The following DTNA variants were observed in gnomAD, a reference collection of about 807,000 sequenced individuals.
DTNA encodes dystrobrevin alpha.
A neutral mutation model predicts 100.7 loss-of-function variants in DTNA; 43 were observed. The observed-to-expected ratio is 0.43, with a 90% CI of 0.33 to 0.55. DTNA has a LOEUF of 0.55. Ranked by LOEUF, DTNA falls within the 20% of genes least tolerant of loss-of-function variation. The pLI is 0.04. For synonymous variants in DTNA, 349 were observed against 347.9 expected (o/e 1.00, Z -0.04); for missense variants, 798 against 953.9 (o/e 0.84, Z 2.15).
In DTNA at chr18:34,752,714, A is replaced by G. The variant is rs549645757; in HGVS notation, c.-1-3262A>G. Among the ~76,000 whole-genome samples, 406 of 152,288 alleles carry G rather than the reference A, an allele frequency of 2.7e-3. 1 individual carries two copies. The highest frequency in any genetic ancestry group is 4.0e-3 in the Non-Finnish European group (272 of 68,020). On this transcript the variant is annotated intron_variant, in intron 1 of 22. Coordinates refer to ENST00000444659, the MANE Select transcript of DTNA (RefSeq NM_001386795.1). The stretch of plus-strand genomic sequence containing the variant: ...TATTTCATACCACAGAGATTTTTCT[A>G]TCTCTTCCAAGGTACACATTTGACC...
intron 1 of DTNA, among the ~76,000 whole-genome samples, chr18:34,624,343 A>C (rs1313830739): frequency 6.6e-6 from 1 of 152,212 alleles, no homozygotes; most frequent in Non-Finnish European, 1.5e-5. Context: ...ACACATTGAT[A>C]TATTAACATT....
intron 1 of DTNA, among the ~76,000 whole-genome samples, chr18:34,711,872 T>G (rs1271928219): frequency 6.6e-6 from 1 of 152,164 alleles, no homozygotes; most frequent in African/African-American, 2.4e-5. Flanking sequence ...AGTACTATAA[T>G]AGCATCTAAT....
chr18:34,507,561 G>T (rs1420247576), intron 1 of DTNA, among the ~76,000 whole-genome samples: 1 of 152,172 alleles, frequency 6.6e-6, no homozygotes, highest in Non-Finnish European at 1.5e-5. Context: ...AGGGATTACA[G>T]TTGACATGGA....
intron 1 of DTNA, among the ~76,000 whole-genome samples, chr18:34,597,864 CT>C (rs2050964735): frequency 6.9e-6 from 1 of 145,804 alleles, no homozygotes; most frequent in African/African-American, 2.5e-5. Flanking sequence ...CTTCACTGTA[CT>C]TTCTGTACTT....
chr18:34,609,192 A>C (rs1339288544), intron 1 of DTNA, among the ~76,000 whole-genome samples: 2 of 152,134 alleles, frequency 1.3e-5, no homozygotes, highest in Non-Finnish European at 2.9e-5. Context: ...TTTATTGTAC[A>C]AGATAAACTA....
intron 22 of DTNA, among the ~76,000 whole-genome samples, chr18:34,887,030 C>G (rs1309830345): frequency 6.6e-6 from 1 of 152,190 alleles, no homozygotes; most frequent in Non-Finnish European, 1.5e-5. Context: ...CCAGATTCAT[C>G]AGCTTGACAT....
intron 1 of DTNA, among the ~76,000 whole-genome samples, chr18:34,606,017 GA>G (rs1246643793): frequency 6.6e-6 from 1 of 151,940 alleles, no homozygotes; most frequent in African/African-American, 2.4e-5. Context: ...TACTATTAAT[GA>G]AAAAAATCCA....
chr18:34,799,990 TTC>T (rs1477841157), intron 4 of DTNA, among the ~76,000 whole-genome samples: 1 of 152,158 alleles, frequency 6.6e-6, no homozygotes, highest in Non-Finnish European at 1.5e-5. Flanking sequence ...AATAAAGGGT[TTC>T]TGTCTGTTCA....
At chr18:34,884,340 T>A (rs920426687) in intron 21 of DTNA, among the ~76,000 whole-genome samples, 4 of 152,234 alleles carry the variant, frequency 2.6e-5, no homozygotes, top group Non-Finnish European at 5.9e-5. Flanking sequence ...TAACCTTCTA[T>A]GAGTAAAATG....
At chr18:34,883,978 T>C (rs1243548460) in intron 21 of DTNA, among the ~76,000 whole-genome samples, 1 of 152,188 alleles carries the variant, frequency 6.6e-6, no homozygotes, top group African/African-American at 2.4e-5. Context: ...TGCAAACCCA[T>C]GGAGAGTGCA....
At chr18:34,583,871 C>G (rs976272928) in intron 1 of DTNA, among the ~76,000 whole-genome samples, 2 of 152,100 alleles carry the variant, frequency 1.3e-5, no homozygotes. Flanking sequence ...CCTCTCTCAC[C>G]CTGTAAGAGA....
intron 1 of DTNA, among the ~76,000 whole-genome samples, chr18:34,501,086 G>C (rs1262847102): frequency 1.3e-5 from 2 of 152,108 alleles, no homozygotes; most frequent in African/African-American, 4.8e-5. Context: ...AATGTTATCT[G>C]TAAGTTTTAT....
intron 4 of DTNA, among the ~76,000 whole-genome samples, chr18:34,798,125 G>A (rs140924859): frequency 0.12 from 18,893 of 151,928 alleles, 1,281 homozygotes; most frequent in African/African-American, 0.17. Context: ...TCAGCCTCCC[G>A]AGTAGCTGGG....
intron 3 of DTNA, among the ~76,000 whole-genome samples, chr18:34,791,211 G>A (rs1241502310): frequency 1.3e-5 from 2 of 152,148 alleles, no homozygotes; most frequent in Admixed American, 6.5e-5. Flanking sequence ...TAAGCATCCA[G>A]ATTCCCTCCC....
At chr18:34,682,825 G>GT (rs2078317490) in intron 1 of DTNA, among the ~76,000 whole-genome samples, 2 of 150,920 alleles carry the variant, frequency 1.3e-5, no homozygotes, top group Non-Finnish European at 3.0e-5. Flanking sequence ...TTCAAGGTTT[G>GT]TTTTTTTAAA....
chr18:34,578,357 T>C (rs2048313737), intron 1 of DTNA, among the ~76,000 whole-genome samples: 1 of 152,290 alleles, frequency 6.6e-6, no homozygotes, highest in African/African-American at 2.4e-5. Context: ...CTGAGTTCAT[T>C]GTAGATTCTG....
At chr18:34,743,853 A>G (rs2091134932) in intron 1 of DTNA, among the ~76,000 whole-genome samples, 1 of 152,074 alleles carries the variant, frequency 6.6e-6, no homozygotes. Flanking sequence ...AAATCTGTAG[A>G]TACACAGTGA....
At chr18:34,502,990 C>G (rs1015797911) in intron 1 of DTNA, among the ~76,000 whole-genome samples, 2 of 152,116 alleles carry the variant, frequency 1.3e-5, no homozygotes, top group Non-Finnish European at 2.9e-5. Context: ...GTCTATTTCT[C>G]GCTTCACTTC....
At chr18:34,722,559 A>G (rs1038468659) in intron 1 of DTNA, among the ~76,000 whole-genome samples, 5 of 152,052 alleles carry the variant, frequency 3.3e-5, no homozygotes, top group Non-Finnish European at 7.4e-5. Flanking sequence ...AATGAACTAA[A>G]CTATTTAAAT....
Sources: allele counts gnomAD v4.1 joint callset (sites outside exome capture counted in the v4.1 genomes callset), GRCh38; gene constraint gnomAD v4.1.1; transcripts MANE v1.5; gene names NCBI Gene and HGNC (gene_info 2026-07-23, HGNC 2026-07-21).